TOPBP1: variants seen among roughly 807,000 people sequenced by gnomAD.
The protein encoded by TOPBP1 is DNA topoisomerase 2-binding protein 1.
A neutral mutation model predicts 167.7 loss-of-function variants in TOPBP1; 28 were observed. That is an observed-to-expected ratio of 0.17 (90% CI 0.12 to 0.23). The LOEUF (loss-of-function observed/expected upper bound fraction) is 0.23, where lower values mean the gene tolerates loss of function less well. Among genes scored for constraint, TOPBP1 ranks in the 10% least tolerant of loss-of-function variants. The pLI is 1.00. For synonymous variants in TOPBP1, 598 were observed against 611.4 expected, an observed-to-expected ratio of 0.98 and a Z score of 0.32; for missense variants, 1,554 against 1,809.6, an observed-to-expected ratio of 0.86 and a Z score of 2.56.
At chr3:133,629,275 T>C (rs1438808404) in intron 14 of TOPBP1, among the ~76,000 whole-genome samples, 3 of 152,226 alleles carry the variant, frequency 2.0e-5, no homozygotes, top group Non-Finnish European at 2.9e-5. Context: ...CTTTTGCATG[T>C]GTATAGTATT....
rs1396071260 is a variant in TOPBP1 at position 133,649,586 on chromosome 3, C to T, written c.1301G>A (p.Gly434Asp). 7 of 1,613,720 alleles carry T rather than the reference C, an allele frequency of 4.3e-6. No individual in the cohort carries two copies. The highest frequency in any genetic ancestry group is 5.9e-6 in the Non-Finnish European group (7 of 1,179,866). The change falls in exon 10 of 28, where the codon GGT becomes GAT. Residue 434 changes from glycine to aspartate, a missense_variant. By Grantham distance (94) the Gly-to-Asp change is moderately conservative (BLOSUM62 -1). Transcript: ENST00000260810. ...AKWLLECFSK[G>D]YMLSEEPYIH... is the part of the protein sequence containing the mutation. ...ATATGGTTCTTCAGAAAGCATATAA[C>T]CTTTACTGAAACACTCTAGCAACCA... is the stretch of plus-strand genomic sequence containing the variant.
chr3:133,614,329 AAAGAC>A (rs973359712), intron 23 of TOPBP1, among the ~76,000 whole-genome samples: 51 of 152,300 alleles, frequency 3.3e-4, no homozygotes, highest in African/African-American at 1.2e-3. Flanking sequence ...AGAGTGACAA[AAAGAC>A]AAGAAGGTAA....
chr3:133,615,596 G>A (rs1274057767), intron 23 of TOPBP1, among the ~76,000 whole-genome samples: 2 of 152,120 alleles, frequency 1.3e-5, no homozygotes, highest in African/African-American at 4.8e-5. Context: ...GTTCAACAGA[G>A]TAGCCACTAG....
chr3:133,621,983 A>G (rs1384190600), intron 19 of TOPBP1, among the ~76,000 whole-genome samples: 1 of 151,838 alleles, frequency 6.6e-6, no homozygotes, highest in African/African-American at 2.4e-5. Flanking sequence ...AAGAAAGAAA[A>G]GGGAAGAAAG....
At chr3:133,649,357 A>G in intron 10 of TOPBP1, 26 bp downstream of exon 10, 2 of 1,604,170 alleles carry the variant, frequency 1.2e-6, no homozygotes, top group Non-Finnish European at 1.7e-6. Context: ...CTTACTAACT[A>G]CAAATACTAA....
chr3:133,611,783 A>G (rs1934691542), intron 24 of TOPBP1, among the ~76,000 whole-genome samples: 1 of 152,226 alleles, frequency 6.6e-6, no homozygotes, highest in South Asian at 2.1e-4. Context: ...AAATAAATAA[A>G]TTTGTCTGTT....
rs1432623610 is a variant in TOPBP1, at chr3:133,612,548, T to A, written c.3876A>T (p.Gly1292=). 1 of 1,612,478 alleles carries A rather than the reference T, an allele frequency of 6.2e-7. No individual in the cohort carries two copies. Among genetic ancestry groups the A allele is most frequent in the Admixed American group, 1.7e-5 (1 of 59,752 alleles). Residue 1292 remains glycine, a synonymous_variant, in exon 24 of 28, where the codon GGA becomes GGT. Transcript: ENST00000260810. ...CAAAGCACTGCTTTTCTATCACCAA[T>A]CCACCTTAAGCAGAGAAAAATGGAT... ...DYCHLIEKLG[G]LVIEKQCFDP... is the part of the protein sequence containing the mutation.
At position 133,655,336 on chromosome 3, in the gene TOPBP1, T is replaced by C. The variant is rs188056556; in HGVS notation, c.696A>G (p.Gln232=). Residue 232 remains glutamine, a synonymous_variant, in exon 6 of 28, where the codon CAA becomes CAG. Coordinates refer to ENST00000260810, the MANE Select transcript of TOPBP1 (RefSeq NM_007027.4). ...TVKHGGQYMG[Q]LKMNECTHLI... is the part of the protein sequence containing the mutation. ...GGTGTGTACATTCATTCATTTTCAATTGTCCCATGTATTGACCTCCATGCT... is the reference window on the plus strand; with the variant it reads ...GGTGTGTACATTCATTCATTTTCAACTGTCCCATGTATTGACCTCCATGCT... 20 of 1,581,482 alleles carry C rather than the reference T, an allele frequency of 1.3e-5. No individual in the cohort carries two copies. The highest frequency in any genetic ancestry group is 3.6e-5 in the Admixed American group (2 of 55,580).
At chr3:133,612,353 A>G (rs762734664) in intron 24 of TOPBP1, 36 bp downstream of exon 24, 57 of 1,609,910 alleles carry the variant, frequency 3.5e-5, no homozygotes, top group Non-Finnish European at 4.5e-5. Context: ...ACTTGCTTTT[A>G]AAGAAAAATA....
intron 19 of TOPBP1, among the ~76,000 whole-genome samples, chr3:133,622,766 T>C (rs1935136030): frequency 6.6e-6 from 1 of 152,158 alleles, no homozygotes. Context: ...CTACCTTTAA[T>C]GGAATAGGGC....
chr3:133,608,727 T>C, intron 26 of TOPBP1, 31 bp from the exon 27 acceptor site: 2 of 1,610,116 alleles, frequency 1.2e-6, no homozygotes, highest in Non-Finnish European at 8.5e-7. Context: ...TATCACAATC[T>C]ACCAGTATTC....
At chr3:133,626,092 T>C (rs1192479055) in intron 16 of TOPBP1, among the ~76,000 whole-genome samples, 2 of 152,212 alleles carry the variant, frequency 1.3e-5, no homozygotes, top group South Asian at 2.1e-4. Context: ...AAAGGCCAGA[T>C]AGTAAATATT....
rs1257700155 is a variant in TOPBP1, at chr3:133,656,761, T to C, written c.460A>G (p.Lys154Glu). The change falls in exon 5 of 28, where the codon AAA becomes GAA. Residue 154 changes from lysine to glutamate, a missense_variant. Coordinates refer to ENST00000260810, the MANE Select transcript of TOPBP1 (RefSeq NM_007027.4). ...THLIAGEVGS[K>E]KYLVAANLKK... ...AGGTTTGCAGCAACTAAATATTTTTTGCTACCAACTTCTCCTGCAATAAGG... is the reference window on the plus strand; with the variant it reads ...AGGTTTGCAGCAACTAAATATTTTTCGCTACCAACTTCTCCTGCAATAAGG... The C allele has an allele frequency of 6.2e-7, 1 of 1,612,982 alleles. No individual in the cohort carries two copies. Among genetic ancestry groups the C allele is most frequent in the East Asian group, 2.2e-5 (1 of 44,764 alleles).
At chr3:133,641,661 A>G (rs950447549) in intron 12 of TOPBP1, among the ~76,000 whole-genome samples, 3 of 152,334 alleles carry the variant, frequency 2.0e-5, no homozygotes, top group South Asian at 2.1e-4. Context: ...GCCACAAAAT[A>G]TATTTTAATA....
Position 133,656,764 on chromosome 3 carries a change from T to C in TOPBP1, c.457A>G (p.Ser153Gly), listed in dbSNP as rs1487765518. The change falls in exon 5 of 28, where the codon AGC becomes GGC. Residue 153 changes from serine (S) to glycine (G), a missense_variant. This residue lies in a region of TOPBP1 where 1,197 missense variants were observed against 1,351.5 expected (regional missense o/e 0.89). Coordinates refer to ENST00000260810, the MANE Select transcript of TOPBP1 (RefSeq NM_007027.4). Reference sequence around the variant, plus strand: ...TTTGCAGCAACTAAATATTTTTTGCTACCAACTTCTCCTGCAATAAGGTGA... The same window carrying C: ...TTTGCAGCAACTAAATATTTTTTGCCACCAACTTCTCCTGCAATAAGGTGA... ...VTHLIAGEVG[S>G]KKYLVAANLK... The C allele has an allele frequency of 6.2e-7, 1 of 1,612,916 alleles. No individual in the cohort carries two copies. Among genetic ancestry groups the C allele is most frequent in the Non-Finnish European group, 8.5e-7 (1 of 1,179,506 alleles).
Position 133,649,897 on chromosome 3 carries a change from C to A in TOPBP1, c.1136G>T (p.Arg379Ile), listed in dbSNP as rs1041703501. 15 of 1,608,596 alleles carry A rather than the reference C, an allele frequency of 9.3e-6. No homozygotes were observed. The highest frequency in any genetic ancestry group is 3.4e-5 in the Admixed American group (2 of 58,936). The change falls in exon 9 of 28, where the codon AGA becomes ATA. Residue 379 changes from arginine (R) to isoleucine (I), a missense_variant. Arg to Ile is a moderately conservative substitution (Grantham distance 97). Around this residue, in one of 3 missense-constraint regions of TOPBP1, gnomAD observed 1,197 missense variants for 1,351.5 expected, o/e 0.89. Coordinates refer to ENST00000260810, the MANE Select transcript of TOPBP1 (RefSeq NM_007027.4). Reference sequence around the variant, plus strand: ...AACTCCACCTCCACTGTTAATAAGTCTTCTCAGTTTATCTAGCTTTCTGCC... The same window carrying A: ...AACTCCACCTCCACTGTTAATAAGTATTCTCAGTTTATCTAGCTTTCTGCC... The part of the protein sequence containing the change: ...FSGRKLDKLR[R>I]LINSGGGVRF...
chr3:133,642,394 T>G (rs184835645), intron 12 of TOPBP1, among the ~76,000 whole-genome samples: 64 of 152,326 alleles, frequency 4.2e-4, no homozygotes, highest in Non-Finnish European at 6.9e-4. Flanking sequence ...TTTTAGCTTA[T>G]AGGTTCCTAC....
At chr3:133,658,324 G>A (rs371159127) in intron 3 of TOPBP1, among the ~76,000 whole-genome samples, 5 of 151,950 alleles carry the variant, frequency 3.3e-5, no homozygotes, top group East Asian at 1.9e-4. Context: ...AAAATTAGTC[G>A]GGTGCAGTGG....
chr3:133,654,005 A>G (rs775087285), intron 6 of TOPBP1, among the ~76,000 whole-genome samples: 3 of 152,238 alleles, frequency 2.0e-5, no homozygotes, highest in Non-Finnish European at 2.9e-5. Flanking sequence ...TATGCTACAC[A>G]GTTTATTACA....
Sources: allele counts gnomAD v4.1 joint callset (sites outside exome capture counted in the v4.1 genomes callset), GRCh38; gene constraint gnomAD v4.1.1; regional missense constraint gnomAD v4.1.1; transcripts MANE v1.5; gene names NCBI Gene and HGNC (gene_info 2026-07-23, HGNC 2026-07-21).